Variants in SUFU observed in about 807,000 individuals in gnomAD.
SUFU encodes the protein SUFU negative regulator of hedgehog signaling, also known as suppressor of fused homolog.
A neutral mutation model predicts 58.9 loss-of-function variants in SUFU; 7 were observed. The ratio of observed to expected loss-of-function variants is 0.12; its 90% CI spans 0.07 to 0.22. The LOEUF (loss-of-function observed/expected upper bound fraction) is 0.22, where lower values mean the gene tolerates loss of function less well. SUFU is among the 10% of genes least tolerant of loss of function. The pLI is 1.00. For synonymous variants in SUFU, 232 were observed against 254.8 expected, an observed-to-expected ratio of 0.91 and a Z score of 0.85; for missense variants, 451 against 641.3, an observed-to-expected ratio of 0.70 and a Z score of 3.20.
chr10:102,511,334 T>C (rs2062399005), intron 2 of SUFU, among the ~76,000 whole-genome samples: 1 of 152,148 alleles, frequency 6.6e-6, no homozygotes, highest in African/African-American at 2.4e-5. Context: ...TATTGTCATA[T>C]CCTCTTCTGG....
intron 3 of SUFU, among the ~76,000 whole-genome samples, chr10:102,587,326 T>C (rs887033030): frequency 2.0e-5 from 3 of 152,254 alleles, no homozygotes; most frequent in African/African-American, 7.2e-5. Context: ...CCACCAGCAA[T>C]GCACACGGAT....
At chr10:102,504,939 T>C (rs1445818524) in intron 1 of SUFU, among the ~76,000 whole-genome samples, 1 of 152,136 alleles carries the variant, frequency 6.6e-6, no homozygotes, top group Non-Finnish European at 1.5e-5. Flanking sequence ...GCTTTTGCTT[T>C]TGAAGTTTGA....
chr10:102,524,514 C>T (rs553477991), intron 2 of SUFU, among the ~76,000 whole-genome samples: 32 of 151,758 alleles, frequency 2.1e-4, no homozygotes, highest in African/African-American at 7.3e-4. Flanking sequence ...TTTGTAGAGA[C>T]GGGGTTTCAC....
chr10:102,615,492 C>A, intron 9 of SUFU, 90 bp downstream of exon 9: 1 of 1,594,516 alleles, frequency 6.3e-7, no homozygotes, highest in Non-Finnish European at 8.6e-7. Context: ...GCCCCCTCCC[C>A]CAGCAGGCGT....
At position 102,630,054 on chromosome 10, in the gene SUFU, C is replaced by T. The variant is rs758518627; in HGVS notation, c.1366-12C>T. 3 of 1,613,004 alleles carry T rather than the reference C, an allele frequency of 1.9e-6. No homozygotes were observed. In the East Asian group the frequency reaches 6.7e-5, roughly 36 times the overall value. On this transcript the variant is annotated splice_polypyrimidine_tract_variant and intron_variant, in intron 11 of 11. Transcript: ENST00000369902. ...CACTCACACTCCTGGTCTGTGCTTG[C>T]TCCCTCCACAGTTCAAACTTCCCAA...
Position 102,628,195 on chromosome 10 carries a change from G to C in SUFU, c.1365+952G>C, listed in dbSNP as rs1208345820. 6.6e-6 allele frequency among the ~76,000 whole-genome samples: 1 copy of C among 152,168 alleles called. No homozygotes were observed. The highest frequency in any genetic ancestry group is 2.4e-5 in the African/African-American group (1 of 41,432). On this transcript the variant is annotated intron_variant, in intron 11 of 11. Transcript: ENST00000369902. This position sits in a 1 kb window ranked among gnomAD's most constrained non-coding sequence, Gnocchi z 4.5. ...GTTCCAGCCAGGGCTGGAGCTTCCA[G>C]CTTCCAGGGCTCCCTGGGCTGCAAC... is the stretch of plus-strand genomic sequence containing the variant.
chr10:102,542,409 A>C (rs2135724955), intron 2 of SUFU, among the ~76,000 whole-genome samples: 1 of 149,752 alleles, frequency 6.7e-6, no homozygotes, highest in East Asian at 2.0e-4. Context: ...GGGATTACAG[A>C]TGTGAGCCAC....
intron 2 of SUFU, among the ~76,000 whole-genome samples, chr10:102,518,846 A>G (rs2062508072): frequency 6.6e-6 from 1 of 151,566 alleles, no homozygotes; most frequent in Non-Finnish European, 1.5e-5. Flanking sequence ...GCAGCTTTTA[A>G]AGAAAGGGTC....
intron 3 of SUFU, among the ~76,000 whole-genome samples, chr10:102,569,319 G>A (rs543851622): frequency 6.6e-6 from 1 of 152,258 alleles, no homozygotes; most frequent in African/African-American, 2.4e-5. Context: ...AGGCACTGAG[G>A]AAGCACTGTG....
Position 102,632,921 on chromosome 10 carries a change from C to T in SUFU, c.*2766C>T, listed in dbSNP as rs2063849832. ...GGGAGGCTTGTGCGAGGTCTCAGGC[C>T]TGTGTGGGGAGCTGGTGCCTCTTCC... On this transcript the variant is annotated 3_prime_UTR_variant, in exon 12 of 12. Coordinates refer to ENST00000369902, the MANE Select transcript of SUFU (RefSeq NM_016169.4). 1 of 233,634 alleles carries T rather than the reference C, an allele frequency of 4.3e-6. No individual in the cohort carries two copies. The highest frequency in any genetic ancestry group is 8.4e-6 in the Non-Finnish European group (1 of 118,348). 14.5% of individuals were successfully genotyped at this position (233,634 alleles called of 1,614,324 possible).
In SUFU at chr10:102,585,123, A is replaced by G. The variant is rs1288871159; in HGVS notation, c.455-7459A>G. Among the ~76,000 whole-genome samples, 5 of 152,280 alleles carry G rather than the reference A, an allele frequency of 3.3e-5. No individual in the cohort carries two copies. The East Asian group carries it at 7.7e-4, about 24-fold the overall frequency. On this transcript the variant is annotated intron_variant, in intron 3 of 11. Transcript: ENST00000369902. ...TCAAGATTCCTTCCTTTTGCCTGCT[A>G]TATTTTCTTTTTTAATAACAGATTT...
intron 2 of SUFU, 78 bp from the exon 3 acceptor site, chr10:102,549,892 G>T: frequency 6.3e-7 from 1 of 1,582,172 alleles, no homozygotes; most frequent in South Asian, 1.1e-5. Context: ...CATAAAAAGG[G>T]GGAGAACTTT....
At chr10:102,576,303 G>C (rs896076379) in intron 3 of SUFU, among the ~76,000 whole-genome samples, 1 of 151,724 alleles carries the variant, frequency 6.6e-6, no homozygotes. Context: ...CTTCTTCTGG[G>C]TACCTATGAA....
chr10:102,603,247 G>A (rs75436210), intron 8 of SUFU, among the ~76,000 whole-genome samples: 1 of 152,042 alleles, frequency 6.6e-6, no homozygotes, highest in East Asian at 1.9e-4. Context: ...CTGCAGCCTC[G>A]AGCTCCTGGC....
chr10:102,542,442 A>AT (rs2062812921), intron 2 of SUFU, among the ~76,000 whole-genome samples: 2 of 145,620 alleles, frequency 1.4e-5, no homozygotes, highest in South Asian at 2.1e-4. Context: ...ATATATATAT[A>AT]TATTTTTTTT....
chr10:102,553,871 T>C (rs562764808), intron 3 of SUFU, among the ~76,000 whole-genome samples: 1 of 151,964 alleles, frequency 6.6e-6, no homozygotes, highest in Non-Finnish European at 1.5e-5. Context: ...AGGTGGGAGG[T>C]TGGCCTAAGC....
In SUFU at chr10:102,522,740, C is replaced by T. The variant is rs545118579; in HGVS notation, c.317+13437C>T. ...TGTGGGTAAGCAGACACACTTAGTT[C>T]CCATCCAGCGTTGATCGCTGTCCTC... On this transcript the variant is annotated intron_variant, in intron 2 of 11. Coordinates refer to ENST00000369902, the MANE Select transcript of SUFU (RefSeq NM_016169.4). Among the ~76,000 whole-genome samples the T allele has an allele frequency of 2.6e-5, 4 of 152,272 alleles. No homozygotes were observed. The South Asian group carries it at 8.3e-4, about 32-fold the overall frequency.
chr10:102,507,239 G>T (rs2062338840), intron 1 of SUFU, among the ~76,000 whole-genome samples: 1 of 152,202 alleles, frequency 6.6e-6, no homozygotes. Context: ...GAGAAAGAGG[G>T]CTGCAGGGAT....
chr10:102,568,095 A>G (rs1311250578), intron 3 of SUFU, among the ~76,000 whole-genome samples: 2 of 126,838 alleles, frequency 1.6e-5, no homozygotes, highest in Non-Finnish European at 3.4e-5. Context: ...AAACAAATAT[A>G]ACATTATTGT....
Sources: gnomAD v4.1 joint callset for allele counts (sites outside exome capture counted in the v4.1 genomes callset) on GRCh38, gnomAD v4.1.1 for gene constraint, Gnocchi (gnomAD v3.1) non-coding constraint, MANE v1.5 for transcripts, NCBI Gene and HGNC (gene_info 2026-07-23, HGNC 2026-07-21) for gene names.